The following UBTD2 variants were observed in gnomAD, a reference collection of about 807,000 sequenced individuals.
The protein encoded by UBTD2 is ubiquitin domain-containing protein 2.
Under a neutral mutation model 19.8 loss-of-function variants are expected in UBTD2, and 9 were observed. That is an observed-to-expected ratio of 0.46 (90% CI 0.27 to 0.79). The LOEUF is 0.79. UBTD2 is among the 30% of genes least tolerant of loss of function. The pLI is 0.14. For synonymous variants in UBTD2, 98 were observed against 103.9 expected (o/e 0.94, Z 0.35); for missense variants, 250 against 300.4 (o/e 0.83, Z 1.24).
intron 1 of UBTD2, among the ~76,000 whole-genome samples, chr5:172,248,373 G>A (rs552463667): frequency 1.3e-5 from 2 of 152,106 alleles, no homozygotes; most frequent in South Asian, 4.2e-4. Context: ...GCAGATCATG[G>A]GGTCAGGAAT....
chr5:172,224,338 C>T (rs1051726142), intron 2 of UBTD2, among the ~76,000 whole-genome samples: 13 of 139,486 alleles, frequency 9.3e-5, no homozygotes, highest in African/African-American at 1.3e-4. Context: ...CTCACCCTGT[C>T]GCCCAGGCTG....
intron 1 of UBTD2, among the ~76,000 whole-genome samples, chr5:172,253,570 T>C (rs77282876): frequency 0.058 from 8,887 of 151,968 alleles, 420 homozygotes; most frequent in East Asian, 0.21. Context: ...TCTCTTGCCT[T>C]GGCCTCCCAA....
rs879260528 is a variant in UBTD2, at chr5:172,254,826, T to C, written c.71-20468A>G. The C allele has an allele frequency of 7.2e-6, 4 of 554,878 alleles. No individual in the cohort carries two copies. In the Admixed American group the frequency reaches 1.1e-4, roughly 15 times the overall value. The allele number at this position is 554,878 out of a possible 1,614,324, so 34.4% of individuals were successfully genotyped here. On this transcript the variant is annotated intron_variant, in intron 1 of 2. Transcript: ENST00000393792. ...ATCCCAGGTTCTATTTTAATTTTTT[T>C]CTCTGGTACAGGATTTTCTTATGAT...
At position 172,211,084 on chromosome 5, in the gene UBTD2, TATCTGTTGAAACTC is replaced by T; in HGVS notation, c.*732_*745del. On this transcript the variant is annotated 3_prime_UTR_variant, in exon 3 of 3. Coordinates refer to ENST00000393792, the MANE Select transcript of UBTD2 (RefSeq NM_152277.3). ...AGATGACAGCGACTTTTCAACTGAG[TATCTGTTGAAACTC>T]AAGAGACCTGACTGTATTGATGAAA... 6.6e-6 allele frequency: 1 copy of T among 152,232 alleles called. No homozygotes were observed. The highest frequency in any genetic ancestry group is 6.5e-5 in the Admixed American group (1 of 15,290). 9.4% of individuals were successfully genotyped at this position (152,232 alleles called of 1,614,324 possible).
At chr5:172,214,448 A>G (rs1771505063) in intron 2 of UBTD2, among the ~76,000 whole-genome samples, 1 of 152,202 alleles carries the variant, frequency 6.6e-6, no homozygotes, top group Admixed American at 6.5e-5. Context: ...CACTAATACT[A>G]TTGTAGAAAT....
At chr5:172,234,704 C>T (rs1256456539) in intron 1 of UBTD2, among the ~76,000 whole-genome samples, 1 of 151,994 alleles carries the variant, frequency 6.6e-6, no homozygotes, top group Non-Finnish European at 1.5e-5. Context: ...TCCAGGAGTT[C>T]GAGACTAGCC....
chr5:172,243,616 A>G (rs535235754), intron 1 of UBTD2, among the ~76,000 whole-genome samples: 5 of 138,128 alleles, frequency 3.6e-5, no homozygotes, highest in Admixed American at 8.0e-5. Flanking sequence ...AGGCTGGAGT[A>G]CAATGGCGCG....
intron 1 of UBTD2, among the ~76,000 whole-genome samples, chr5:172,250,796 G>C (rs990129396): frequency 2.0e-5 from 3 of 151,870 alleles, no homozygotes; most frequent in Non-Finnish European, 4.4e-5. Context: ...AGCCAGGCAT[G>C]GTGGCATGCA....
Position 172,211,723 on chromosome 5 carries a change from A to C in UBTD2, c.*107T>G. 2.4e-6 allele frequency: 3 copies of C among 1,226,946 alleles called. No individual in the cohort carries two copies. Among genetic ancestry groups the C allele is most frequent in the Non-Finnish European group, 3.3e-6 (3 of 915,532 alleles). 76.0% of individuals were successfully genotyped at this position (1,226,946 alleles called of 1,614,324 possible). ...ATTCCTCAGAACTAAATCCATTCATAGGGAATTTAGAGCAGTGAAATAGAT... is the reference window on the plus strand; with the variant it reads ...ATTCCTCAGAACTAAATCCATTCATCGGGAATTTAGAGCAGTGAAATAGAT... On this transcript the variant is annotated 3_prime_UTR_variant, in exon 3 of 3. Coordinates refer to ENST00000393792, the MANE Select transcript of UBTD2 (RefSeq NM_152277.3).
intron 1 of UBTD2, among the ~76,000 whole-genome samples, chr5:172,246,159 A>C (rs1754877534): frequency 6.6e-6 from 1 of 152,204 alleles, no homozygotes; most frequent in South Asian, 2.1e-4. Flanking sequence ...CTCTCTTGAA[A>C]CAAATGAACG....
intron 1 of UBTD2, among the ~76,000 whole-genome samples, chr5:172,252,873 C>T (rs1321171477): frequency 4.6e-5 from 7 of 151,932 alleles, no homozygotes; most frequent in African/African-American, 9.7e-5. Flanking sequence ...GATTTTGCTA[C>T]GAAATCAATA....
At chr5:172,251,991 A>C (rs188428324) in intron 1 of UBTD2, among the ~76,000 whole-genome samples, 49 of 152,240 alleles carry the variant, frequency 3.2e-4, no homozygotes, top group Admixed American at 3.2e-3. Context: ...TAACGAGGTA[A>C]TATTTCTCAA....
intron 1 of UBTD2, among the ~76,000 whole-genome samples, chr5:172,268,725 G>C (rs1485437243): frequency 1.3e-5 from 2 of 152,112 alleles, no homozygotes; most frequent in African/African-American, 4.8e-5. Flanking sequence ...CTCCAGCCTG[G>C]GCAACAAAGT....
At chr5:172,281,343 T>A (rs1755710997) in intron 1 of UBTD2, among the ~76,000 whole-genome samples, 1 of 151,802 alleles carries the variant, frequency 6.6e-6, no homozygotes, top group East Asian at 1.9e-4. Context: ...AAAAATTTTT[T>A]AAAAATTAGC....
upstream of UBTD2, chr5:172,283,816 G>T: frequency 3.0e-6 from 1 of 329,086 alleles, no homozygotes; most frequent in Non-Finnish European, 4.5e-6. The surrounding 1 kb of genome is among the most constrained non-coding windows in gnomAD (Gnocchi z 4.3). Context: ...CCCCCTCGCC[G>T]CTCCACCCAC....
intron 2 of UBTD2, among the ~76,000 whole-genome samples, chr5:172,216,712 T>C (rs1057195285): frequency 6.6e-6 from 1 of 151,548 alleles, no homozygotes; most frequent in Non-Finnish European, 1.5e-5. Flanking sequence ...ATCCAGCACT[T>C]TGGGAGGCTC....
At chr5:172,260,519 T>G (rs931121946) in intron 1 of UBTD2, among the ~76,000 whole-genome samples, 2 of 152,180 alleles carry the variant, frequency 1.3e-5, no homozygotes, top group African/African-American at 4.8e-5. Context: ...AGGTATATCA[T>G]AGGTTTTAGT....
intron 1 of UBTD2, among the ~76,000 whole-genome samples, chr5:172,235,547 G>C (rs1380199638): frequency 6.6e-6 from 1 of 152,174 alleles, no homozygotes; most frequent in African/African-American, 2.4e-5. Flanking sequence ...ACCACAAGGA[G>C]CAGAAGAACT....
intron 1 of UBTD2, among the ~76,000 whole-genome samples, chr5:172,271,553 T>C (rs1379510003): frequency 6.6e-6 from 1 of 152,192 alleles, no homozygotes; most frequent in East Asian, 1.9e-4. Context: ...TTTTAAATTT[T>C]ACCTAAGTTC....
Sources: gnomAD v4.1 joint callset for allele counts (sites outside exome capture counted in the v4.1 genomes callset) on GRCh38, gnomAD v4.1.1 for gene constraint, Gnocchi (gnomAD v3.1) non-coding constraint, MANE v1.5 for transcripts, NCBI Gene and HGNC (gene_info 2026-07-23, HGNC 2026-07-21) for gene names.